Variants in CNIH3 observed in about 807,000 individuals in gnomAD.
CNIH3 encodes the protein protein cornichon homolog 3.
A neutral mutation model predicts 24.1 loss-of-function variants in CNIH3; 14 were observed. The ratio of observed to expected loss-of-function variants is 0.58; its 90% confidence interval spans 0.38 to 0.91. The LOEUF is 0.91. Among genes scored for constraint, CNIH3 ranks in the 40% least tolerant of loss-of-function variants. CNIH3 has a pLI of 0.00. For synonymous variants in CNIH3, 68 were observed against 73.8 expected (o/e 0.92, Z 0.40); for missense variants, 178 against 196.8 (o/e 0.90, Z 0.57).
chr1:224,578,366 ATCT>A (rs1681126427), intron 4 of CNIH3, among the ~76,000 whole-genome samples: 1 of 152,294 alleles, frequency 6.6e-6, no homozygotes, highest in Admixed American at 6.5e-5. Flanking sequence ...CAACAATTTC[ATCT>A]TCTTGATGAT....
At chr1:224,479,472 T>A (rs1192924032) in intron 1 of CNIH3, among the ~76,000 whole-genome samples, 1 of 152,178 alleles carries the variant, frequency 6.6e-6, no homozygotes, top group Non-Finnish European at 1.5e-5. Context: ...AAGTCTTAAC[T>A]CATTTCAGCA....
At chr1:224,629,580 A>G (rs1683717881) in intron 1 of CNIH3, among the ~76,000 whole-genome samples, 1 of 152,134 alleles carries the variant, frequency 6.6e-6, no homozygotes, top group Non-Finnish European at 1.5e-5. Flanking sequence ...TTTTGGCTAC[A>G]GTGGATAATG....
At chr1:224,643,100 G>A (rs900694880) in intron 1 of CNIH3, among the ~76,000 whole-genome samples, 8 of 152,178 alleles carry the variant, frequency 5.3e-5, no homozygotes, top group East Asian at 1.9e-4. Flanking sequence ...TGGTCGAGGC[G>A]TGTGTTTGGA....
intron 3 of CNIH3, among the ~76,000 whole-genome samples, chr1:224,705,934 T>G (rs1233826047): frequency 6.6e-6 from 1 of 150,656 alleles, no homozygotes; most frequent in African/African-American, 2.4e-5. Flanking sequence ...GGAAGCCTTT[T>G]GCTTCCTTCC....
chr1:224,546,246 C>T (rs1488535072), intron 2 of CNIH3, among the ~76,000 whole-genome samples: 2 of 152,118 alleles, frequency 1.3e-5, no homozygotes, highest in South Asian at 2.1e-4. Flanking sequence ...TTTTCTCAAA[C>T]GGAAATCCCA....
At chr1:224,524,352 T>C (rs1241118958) in intron 2 of CNIH3, among the ~76,000 whole-genome samples, 1 of 152,220 alleles carries the variant, frequency 6.6e-6, no homozygotes, top group Admixed American at 6.5e-5. Context: ...AGTAGGCTGT[T>C]TCCCCTTCTC....
Position 224,461,800 on chromosome 1 carries a change from T to C in CNIH3, n.203+26938T>C, listed in dbSNP as rs141415346. Among the ~76,000 whole-genome samples the C allele has an allele frequency of 3.1e-3, 466 of 152,306 alleles. 1 individual carries two copies. The highest frequency in any genetic ancestry group is 0.01 in the African/African-American group (431 of 41,572). On this transcript the variant is annotated intron_variant and non_coding_transcript_variant, in intron 1 of 5. Transcript: ENST00000471578. ...CATATCAATTAGCAGTCATTTCCCATTCTCTCCTCCATATGCCTCAGTTGT... is the reference window on the plus strand; with the variant it reads ...CATATCAATTAGCAGTCATTTCCCACTCTCTCCTCCATATGCCTCAGTTGT...
Position 224,740,262 on chromosome 1 carries a change from C to G in CNIH3, c.*906C>G, listed in dbSNP as rs1033424100. The G allele has an allele frequency of 2.6e-5, 4 of 152,098 alleles. No homozygotes were observed. Among genetic ancestry groups the G allele is most frequent in the African/African-American group, 9.7e-5 (4 of 41,398 alleles). The allele number at this position is 152,098 out of a possible 1,614,324, so 9.4% of individuals were successfully genotyped here. On this transcript the variant is annotated 3_prime_UTR_variant, in exon 6 of 6. Transcript: ENST00000272133. ...GCTGCATCATTTGTACTGTTTAGGT[C>G]GACGTGAGGACATCATCTTATTTAG...
intron 3 of CNIH3, among the ~76,000 whole-genome samples, chr1:224,608,009 C>A (rs759933039): frequency 8.6e-5 from 13 of 152,030 alleles, no homozygotes; most frequent in Non-Finnish European, 1.8e-4. Context: ...GGAACGTATC[C>A]AAGTCAGGCG....
At chr1:224,515,186 T>C (rs1002644952), upstream of CNIH3, among the ~76,000 whole-genome samples, 2 of 152,218 alleles carry the variant, frequency 1.3e-5, no homozygotes, top group African/African-American at 4.8e-5. Context: ...GGGTCTAGGC[T>C]ATTTACAGTG....
At chr1:224,698,232 A>T (rs1234143476) in intron 3 of CNIH3, among the ~76,000 whole-genome samples, 1 of 152,250 alleles carries the variant, frequency 6.6e-6, no homozygotes, top group African/African-American at 2.4e-5. Context: ...ATACAAATGC[A>T]AAGTGCCATT....
chr1:224,593,057 G>C (rs1417424984), downstream of CNIH3, among the ~76,000 whole-genome samples: 1 of 151,864 alleles, frequency 6.6e-6, no homozygotes, highest in Non-Finnish European at 1.5e-5. Context: ...TGTCTCCCTG[G>C]CCTGAGGACT....
rs1388971293 is a variant in CNIH3, at chr1:224,704,236, C to T, written c.198+19393C>T. ...TCAAAGAGGAGTGGAGACACAGCCC[C>T]TTCTCTCCTAGAAGCAGAGGCACGG... On this transcript the variant is annotated intron_variant, in intron 3 of 5. Transcript: ENST00000272133. The surrounding 1 kb of genome is among the most constrained non-coding windows in gnomAD (Gnocchi z 4.2). Among the ~76,000 whole-genome samples the T allele has an allele frequency of 2.0e-5, 3 of 152,170 alleles. No individual in the cohort carries two copies. The highest frequency in any genetic ancestry group is 7.2e-5 in the African/African-American group (3 of 41,432).
At position 224,518,955 on chromosome 1, in the gene CNIH3, T is replaced by C. The variant is rs540243607; in HGVS notation, n.16-2045T>C. 8.6e-4 allele frequency among the ~76,000 whole-genome samples: 131 copies of C among 152,182 alleles called. 2 individuals are homozygous for C. Among genetic ancestry groups the C allele is most frequent in the Non-Finnish European group, 9.7e-4 (66 of 68,028 alleles). ...AGTGGTACCAATTATGAGCATGTGA[T>C]CTTGGGAAATTACCTTTTTAGCCTA... On this transcript the variant is annotated intron_variant and non_coding_transcript_variant, in intron 1 of 2. Coordinates refer to the CNIH3 transcript ENST00000470602.
At chr1:224,671,767 G>C (rs1330881435) in intron 1 of CNIH3, among the ~76,000 whole-genome samples, 2 of 152,226 alleles carry the variant, frequency 1.3e-5, no homozygotes, top group Non-Finnish European at 2.9e-5. Context: ...GAGAGACCCT[G>C]AGTCTTTTTC....
intron 3 of CNIH3, among the ~76,000 whole-genome samples, chr1:224,708,602 G>A (rs1209284438): frequency 2.0e-5 from 3 of 152,228 alleles, no homozygotes; most frequent in Non-Finnish European, 2.9e-5. Flanking sequence ...CACCAATGAC[G>A]TCCCAGTTGC....
intron 1 of CNIH3, among the ~76,000 whole-genome samples, chr1:224,626,753 C>T (rs1207338574): frequency 6.6e-6 from 1 of 152,168 alleles, no homozygotes; most frequent in Non-Finnish European, 1.5e-5. Flanking sequence ...AGCCGGTCTC[C>T]CACAACTCCC....
intron 3 of CNIH3, among the ~76,000 whole-genome samples, chr1:224,719,546 ATAGT>A (rs1473829168): frequency 6.6e-6 from 1 of 152,176 alleles, no homozygotes; most frequent in Admixed American, 6.5e-5. Context: ...CTTACAGGTA[ATAGT>A]TATTATTTAT....
At chr1:224,516,669 CA>C (rs1678397255) in intron 1 of CNIH3, among the ~76,000 whole-genome samples, 1 of 152,260 alleles carries the variant, frequency 6.6e-6, no homozygotes, top group Admixed American at 6.5e-5. Flanking sequence ...CCTCCCCAGA[CA>C]GCCTGGCCCC....
Sources: gnomAD v4.1 joint callset for allele counts (sites outside exome capture counted in the v4.1 genomes callset) on GRCh38, gnomAD v4.1.1 for gene constraint, Gnocchi (gnomAD v3.1) non-coding constraint, MANE v1.5 for transcripts, NCBI Gene and HGNC (gene_info 2026-07-23, HGNC 2026-07-21) for gene names.